Variants in SEL1L observed in about 807,000 individuals in gnomAD.
SEL1L encodes protein sel-1 homolog 1.
SEL1L carries 52 observed loss-of-function variants against 109.8 expected under a neutral mutation model. The ratio of observed to expected loss-of-function variants is 0.47; its 90% confidence interval spans 0.38 to 0.60. The LOEUF (loss-of-function observed/expected upper bound fraction) is 0.60, where lower values mean the gene tolerates loss of function less well. Among genes scored for constraint, SEL1L ranks in the 20% least tolerant of loss-of-function variants. The pLI, the probability that SEL1L is intolerant of heterozygous loss-of-function variation, is 0.00. For missense variants in SEL1L, 749 were observed against 962.2 expected, an observed-to-expected ratio of 0.78 and a Z score of 2.93; for synonymous variants, 373 against 339.6, an observed-to-expected ratio of 1.10 and a Z score of -1.08.
intron 3 of SEL1L, among the ~76,000 whole-genome samples, chr14:81,514,890 T>C (rs1378841224): frequency 2.0e-5 from 3 of 152,160 alleles, no homozygotes; most frequent in Non-Finnish European, 4.4e-5. Context: ...CTGAGGGAAG[T>C]ATCAATTACA....
In SEL1L at chr14:81,472,578, T is replaced by C. The variant is rs781381010; in HGVS notation, c.*4394A>G. On this transcript the variant is annotated 3_prime_UTR_variant, in exon 21 of 21. Transcript: ENST00000336735. ...TGTCTCTGCAAGTCCTCTTAAAAAA[T>C]TCCTGGGACAAGGCAATGCATAAAC... 2.2e-6 allele frequency: 1 copy of C among 457,916 alleles called. No homozygotes were observed. The highest frequency in any genetic ancestry group is 4.4e-6 in the Non-Finnish European group (1 of 229,596). 28.4% of individuals were successfully genotyped at this position (457,916 alleles called of 1,614,324 possible). A position where few individuals can be genotyped will look rare whatever the true frequency, so the allele number is the denominator to read the frequency against.
intron 3 of SEL1L, among the ~76,000 whole-genome samples, chr14:81,513,126 GCT>G (rs561287634): frequency 1.7e-3 from 266 of 152,252 alleles, no homozygotes; most frequent in South Asian, 3.1e-3. Context: ...ACCAATCAGT[GCT>G]CTGTGTCTAG....
Position 81,484,222 on chromosome 14 carries a change from C to T in SEL1L, c.2046+3G>A, listed in dbSNP as rs775500211. 1 of 1,602,046 alleles carries T rather than the reference C, an allele frequency of 6.2e-7. No individual in the cohort carries two copies. On this transcript the variant is annotated splice_donor_region_variant and intron_variant, in intron 19 of 20. Coordinates refer to ENST00000336735, the MANE Select transcript of SEL1L (RefSeq NM_005065.6). ...TTCAAACGTGTTTGGAAGCCACACT[C>T]ACCTGTTTAATGCCCAGTCCTTTCT...
chr14:81,495,219 G>C, intron 10 of SEL1L, 82 bp from the exon 11 acceptor site: 1 of 1,233,204 alleles, frequency 8.1e-7, no homozygotes, highest in Non-Finnish European at 1.2e-6. Context: ...AAATGATTTG[G>C]TCGTAAAATG....
In SEL1L at chr14:81,506,098, C is replaced by G. The variant is rs751870894; in HGVS notation, c.484G>C (p.Asp162His). The change falls in exon 4 of 21, where the codon GAT (aspartate) becomes CAT (histidine). Residue 162 changes from aspartate (D) to histidine (H), a missense_variant. Transcript: ENST00000336735. ...WCATTYDYKA[D>H]EKWGFCETEE... ...CTTTCACAAAAGCCCCACTTTTCAT[C>G]TGCTTTGTAGTCATAGGTTGTAGCA... 5 of 1,613,492 alleles carry G rather than the reference C, an allele frequency of 3.1e-6. No individual in the cohort carries two copies. The highest frequency in any genetic ancestry group is 4.2e-6 in the Non-Finnish European group (5 of 1,179,642).
chr14:81,497,801 T>C, intron 10 of SEL1L, 91 bp downstream of exon 10: 1 of 1,180,388 alleles, frequency 8.5e-7, no homozygotes, highest in Non-Finnish European at 1.2e-6. Context: ...AATGAAAATG[T>C]AACTTACAGA....
intron 19 of SEL1L, among the ~76,000 whole-genome samples, chr14:81,483,535 T>A (rs1429289961): frequency 1.1e-4 from 17 of 152,116 alleles, no homozygotes; most frequent in Non-Finnish European, 2.2e-4. Flanking sequence ...AAACATAAAT[T>A]TAGGGAAACA....
At chr14:81,501,252 A>G (rs146534950) in intron 6 of SEL1L, among the ~76,000 whole-genome samples, 25 of 152,300 alleles carry the variant, frequency 1.6e-4, no homozygotes, top group Admixed American at 5.2e-4. Context: ...AACTCTCTGT[A>G]GTGTTAAGCC....
In SEL1L at chr14:81,525,440, C is replaced by G. The variant is rs952781231; in HGVS notation, c.340+1293G>C. 3.2e-4 allele frequency among the ~76,000 whole-genome samples: 48 copies of G among 147,882 alleles called. No homozygotes were observed. The Admixed American group carries it at 3.3e-3, about 10-fold the overall frequency. ...AAAACTAAAAAAAAAAAAAAAAAAT[C>G]CCTAATTAAAAAATGAAGAATGAAT... On this transcript the variant is annotated intron_variant, in intron 3 of 20. Transcript: ENST00000336735.
chr14:81,480,689 G>C (rs1903325513), intron 19 of SEL1L, among the ~76,000 whole-genome samples: 2 of 152,146 alleles, frequency 1.3e-5, no homozygotes, highest in Admixed American at 6.5e-5. Flanking sequence ...CTGAACTCTA[G>C]CCTGGGTGAC....
At chr14:81,513,398 C>G (rs149744555) in intron 3 of SEL1L, among the ~76,000 whole-genome samples, 2 of 152,300 alleles carry the variant, frequency 1.3e-5, no homozygotes, top group African/African-American at 4.8e-5. Flanking sequence ...CTGCGAAGGT[C>G]TGCGGCTTCA....
chr14:81,517,755 G>A (rs899730633), intron 3 of SEL1L, among the ~76,000 whole-genome samples: 1 of 152,204 alleles, frequency 6.6e-6, no homozygotes, highest in Non-Finnish European at 1.5e-5. Flanking sequence ...GTAAATACCA[G>A]AGGAATAATC....
chr14:81,492,500 C>T lies in SEL1L; in HGVS notation c.1234G>A (p.Ala412Thr), dbSNP rs1883582087. ...AGTACCTTTCCCAAAAAGGCCATGG[C>T]ATGTGAATTGCCAGCATTTGCTGCT... Reference protein sequence around the residue: ...NLAANAGNSHAMAFLGKMYSE... With the variant: ...NLAANAGNSHTMAFLGKMYSE... The change falls in exon 12 of 21, where the codon GCC becomes ACC. Residue 412 changes from alanine (A) to threonine (T), a missense_variant. Physicochemically the swap from Ala to Thr is moderately conservative, Grantham distance 58. Coordinates refer to ENST00000336735, the MANE Select transcript of SEL1L (RefSeq NM_005065.6). 2 of 1,612,418 alleles carry T rather than the reference C, an allele frequency of 1.2e-6. No individual in the cohort carries two copies. Among genetic ancestry groups the T allele is most frequent in the Non-Finnish European group, 1.7e-6 (2 of 1,179,186 alleles).
intron 19 of SEL1L, among the ~76,000 whole-genome samples, chr14:81,481,439 T>C (rs1903352806): frequency 6.6e-6 from 1 of 152,224 alleles, no homozygotes; most frequent in Admixed American, 6.5e-5. Flanking sequence ...AACAGTATGG[T>C]TAGTGTCTGA....
At chr14:81,512,276 C>A (rs1884512700) in intron 3 of SEL1L, among the ~76,000 whole-genome samples, 2 of 152,210 alleles carry the variant, frequency 1.3e-5, no homozygotes. Flanking sequence ...ATTCTCCAAG[C>A]AAATGGCCTT....
intron 3 of SEL1L, among the ~76,000 whole-genome samples, chr14:81,508,388 A>G (rs568011713): frequency 2.6e-5 from 4 of 152,248 alleles, no homozygotes; most frequent in African/African-American, 9.6e-5. Flanking sequence ...TTCTGACTAC[A>G]GAATTTGGAA....
intron 8 of SEL1L, chr14:81,498,896 G>A (rs765946362): frequency 2.9e-5 from 5 of 170,434 alleles, no homozygotes; most frequent in Non-Finnish European, 4.8e-5. Flanking sequence ...TAGGGAAAAT[G>A]AGACTACTGG....
At chr14:81,486,659 A>C (rs755679423) in intron 16 of SEL1L, among the ~76,000 whole-genome samples, 2 of 151,654 alleles carry the variant, frequency 1.3e-5, no homozygotes, top group African/African-American at 4.9e-5. Context: ...AAAAAAAAAA[A>C]ACAGTACACA....
At chr14:81,504,132 A>C (rs930888738) in intron 5 of SEL1L, 69 bp downstream of exon 5, 8 of 905,626 alleles carry the variant, frequency 8.8e-6, no homozygotes, top group Non-Finnish European at 1.3e-5. Context: ...CTTTTTAAAG[A>C]ATGTAGTTGC....
Sources: gnomAD v4.1 joint callset for allele counts (sites outside exome capture counted in the v4.1 genomes callset) on GRCh38, gnomAD v4.1.1 for gene constraint, MANE v1.5 for transcripts, NCBI Gene and HGNC (gene_info 2026-07-23, HGNC 2026-07-21) for gene names.